The following CPA6 variants were observed in gnomAD, a reference collection of about 807,000 sequenced individuals.
CPA6 encodes carboxypeptidase A6.
A neutral mutation model predicts 63.3 loss-of-function variants in CPA6; 58 were observed. That is an observed-to-expected ratio of 0.92 (90% CI 0.74 to 1.14). The LOEUF (loss-of-function observed/expected upper bound fraction) is 1.14. CPA6 is among the 50% of genes most tolerant of loss of function. The pLI is 0.00. For missense variants in CPA6, 565 were observed against 526.6 expected, an observed-to-expected ratio of 1.07 and a Z score of -0.71; for synonymous variants, 185 against 179.0, an observed-to-expected ratio of 1.03 and a Z score of -0.27.
intron 2 of CPA6, among the ~76,000 whole-genome samples, chr8:67,540,702 C>T (rs1397494244): frequency 6.6e-6 from 1 of 152,234 alleles, no homozygotes; most frequent in Non-Finnish European, 1.5e-5. Flanking sequence ...ATGCCCTGCC[C>T]AGAGAGGAGG....
intron 8 of CPA6, among the ~76,000 whole-genome samples, chr8:67,448,485 A>C (rs1810479188): frequency 6.6e-6 from 1 of 151,460 alleles, no homozygotes; most frequent in African/African-American, 2.4e-5. Context: ...ACAAAAAATT[A>C]GCTGGTTGTG....
intron 8 of CPA6, among the ~76,000 whole-genome samples, chr8:67,441,973 AAGG>A (rs1224514006): frequency 6.6e-6 from 1 of 152,166 alleles, no homozygotes; most frequent in African/African-American, 2.4e-5. Flanking sequence ...AGTGGGGGAA[AAGG>A]ACTTTATGTA....
At chr8:67,674,836 C>G (rs1015501582) in intron 1 of CPA6, among the ~76,000 whole-genome samples, 5 of 152,074 alleles carry the variant, frequency 3.3e-5, no homozygotes, top group Admixed American at 6.5e-5. Flanking sequence ...GAATACTACA[C>G]AGCCATGAAA....
chr8:67,545,563 C>CTTT (rs35213871), intron 2 of CPA6, among the ~76,000 whole-genome samples: 6 of 80,470 alleles, frequency 7.5e-5, no homozygotes, highest in African/African-American at 2.5e-4. Context: ...GCTACTGTTA[C>CTTT]TTTTTTTTTT....
intron 1 of CPA6, among the ~76,000 whole-genome samples, chr8:67,662,471 A>ATATGTATATATAGAATACATACACACGTG (rs1816135146): frequency 6.7e-6 from 1 of 149,758 alleles, no homozygotes; most frequent in Non-Finnish European, 1.5e-5. Context: ...ATACACACGT[A>ATATGTATATATAGAATACATACACACGTG]TATGTATATA....
intron 8 of CPA6, chr8:67,483,519 G>A: frequency 3.7e-6 from 2 of 540,118 alleles, no homozygotes; most frequent in Non-Finnish European, 6.6e-6. Flanking sequence ...TTTTACATAT[G>A]TATTTAAATT....
chr8:67,527,097 G>T lies in CPA6; in HGVS notation c.193-9050C>A, dbSNP rs146263948. 1.0e-3 allele frequency among the ~76,000 whole-genome samples: 155 copies of T among 152,260 alleles called. 1 individual carries two copies. The highest frequency in any genetic ancestry group is 3.5e-3 in the African/African-American group (145 of 41,546). On this transcript the variant is annotated intron_variant, in intron 2 of 10. Transcript: ENST00000297770. ...TTAAGAAGTACATTGGAAGACAAGA[G>T]CCCCTGGGCTGTATCTCACCAAGTA... is the stretch of plus-strand genomic sequence containing the variant.
rs908434252 is a variant in CPA6 at position 67,502,894 on chromosome 8, G to A, written c.636+3893C>T. On this transcript the variant is annotated intron_variant, in intron 6 of 10. Coordinates refer to ENST00000297770, the MANE Select transcript of CPA6 (RefSeq NM_020361.5). Reference sequence around the variant, plus strand: ...TGTTGAGGTCTATGTTTTGGAAGAGGATATGGTATATTTTAGAATATGTTC... The same window carrying A: ...TGTTGAGGTCTATGTTTTGGAAGAGAATATGGTATATTTTAGAATATGTTC... 5.9e-5 allele frequency among the ~76,000 whole-genome samples: 9 copies of A among 152,240 alleles called. No individual in the cohort carries two copies. In the East Asian group the frequency reaches 1.7e-3, roughly 29 times the overall value.
chr8:67,583,117 T>C (rs778133855), intron 2 of CPA6, among the ~76,000 whole-genome samples: 17 of 151,372 alleles, frequency 1.1e-4, no homozygotes, highest in Non-Finnish European at 2.9e-5. Flanking sequence ...GGGATCACGA[T>C]TGATTTCAAT....
At chr8:67,500,057 A>AAAAGAG (rs999207915) in intron 6 of CPA6, among the ~76,000 whole-genome samples, 1 of 152,170 alleles carries the variant, frequency 6.6e-6, no homozygotes, top group Admixed American at 6.5e-5. Flanking sequence ...GCCTAGTTTG[A>AAAAGAG]AAAGAGACTG....
chr8:67,636,382 T>C (rs896769719), intron 1 of CPA6, among the ~76,000 whole-genome samples: 1 of 151,486 alleles, frequency 6.6e-6, no homozygotes, highest in Non-Finnish European at 1.5e-5. Context: ...GTAGGGCAGT[T>C]TGAGTCAGGT....
chr8:67,583,802 T>C (rs774250173), intron 2 of CPA6, among the ~76,000 whole-genome samples: 2 of 152,064 alleles, frequency 1.3e-5, no homozygotes, highest in Non-Finnish European at 2.9e-5. Context: ...GTCCTATTAG[T>C]GCACAAAGAA....
chr8:67,447,045 TATAC>T (rs1429858267), intron 8 of CPA6, among the ~76,000 whole-genome samples: 5 of 131,424 alleles, frequency 3.8e-5, no homozygotes, highest in African/African-American at 1.0e-4. Flanking sequence ...CACATATATA[TATAC>T]ACACACATAT....
At chr8:67,514,747 T>G (rs1208980436) in intron 3 of CPA6, among the ~76,000 whole-genome samples, 1 of 152,220 alleles carries the variant, frequency 6.6e-6, no homozygotes, top group East Asian at 1.9e-4. Context: ...TTCTACTGAA[T>G]AGTAATTAAT....
chr8:67,532,389 C>G (rs368602362), intron 2 of CPA6, among the ~76,000 whole-genome samples: 1 of 149,492 alleles, frequency 6.7e-6, no homozygotes, highest in Admixed American at 6.7e-5. Flanking sequence ...TAATTGAAAA[C>G]TTAAATGACC....
intron 1 of CPA6, among the ~76,000 whole-genome samples, chr8:67,695,864 T>C (rs1804782143): frequency 6.6e-6 from 1 of 152,158 alleles, no homozygotes; most frequent in African/African-American, 2.4e-5. Flanking sequence ...GCATTCACTA[T>C]TACCCCTAGT....
intron 1 of CPA6, among the ~76,000 whole-genome samples, chr8:67,739,324 A>G (rs1033607525): frequency 6.6e-6 from 1 of 152,226 alleles, no homozygotes; most frequent in Non-Finnish European, 1.5e-5. Context: ...ATAAACAATC[A>G]GCACTTAGGG....
intron 2 of CPA6, among the ~76,000 whole-genome samples, chr8:67,525,775 G>A (rs926869788): frequency 6.6e-6 from 1 of 152,278 alleles, no homozygotes; most frequent in Non-Finnish European, 1.5e-5. Flanking sequence ...ATCTCAAACA[G>A]AAAGTTAAAT....
chr8:67,447,881 T>A (rs927424453), intron 8 of CPA6, among the ~76,000 whole-genome samples: 1 of 152,126 alleles, frequency 6.6e-6, no homozygotes, highest in Non-Finnish European at 1.5e-5. Flanking sequence ...ACCTCCCAGG[T>A]TCAAGCAATT....
Sources: gnomAD v4.1 joint callset for allele counts (sites outside exome capture counted in the v4.1 genomes callset) on GRCh38, gnomAD v4.1.1 for gene constraint, MANE v1.5 for transcripts, NCBI Gene and HGNC (gene_info 2026-07-23, HGNC 2026-07-21) for gene names.